Variants in RANBP10 observed in about 807,000 individuals in gnomAD.
RANBP10 encodes the protein ran-binding protein 10.
RANBP10 carries 24 observed loss-of-function variants against 72.8 expected under a neutral mutation model. That is an observed-to-expected ratio of 0.33 (90% confidence interval 0.24 to 0.46). The LOEUF (loss-of-function observed/expected upper bound fraction) is 0.46. Among genes scored for constraint, RANBP10 ranks in the 20% least tolerant of loss-of-function variants. The probability of loss-of-function intolerance (pLI) is 1.00; values close to 1 mark genes in which losing one functional copy is unlikely to be tolerated. For synonymous variants in RANBP10, 310 were observed against 322.3 expected (o/e 0.96, Z 0.41); for missense variants, 679 against 817.5 (o/e 0.83, Z 2.07).
rs532148388 is a variant in RANBP10, at chr16:67,786,312, G to C, written c.348-14226C>G. 9.9e-5 allele frequency among the ~76,000 whole-genome samples: 15 copies of C among 151,890 alleles called. No individual in the cohort carries two copies. In the South Asian group the frequency reaches 3.1e-3, roughly 32 times the overall value. On this transcript the variant is annotated intron_variant, in intron 2 of 13. Coordinates refer to ENST00000317506, the MANE Select transcript of RANBP10 (RefSeq NM_020850.3). ...CCACTGCACTCCAGCCTGTGCGACA[G>C]AGCAAAAATCCATCTGAAAAAAATA...
At chr16:67,728,307 C>T in intron 11 of RANBP10, 83 bp downstream of exon 11, 3 of 1,486,504 alleles carry the variant, frequency 2.0e-6, no homozygotes, top group Non-Finnish European at 2.8e-6. Context: ...CAAAGCCTGC[C>T]TACCCCAGCC....
At chr16:67,760,086 C>T (rs761877902) in intron 3 of RANBP10, among the ~76,000 whole-genome samples, 1 of 145,778 alleles carries the variant, frequency 6.9e-6, no homozygotes, top group Non-Finnish European at 1.5e-5. Flanking sequence ...GGTGACAGAG[C>T]GAGACTCCGT....
At chr16:67,769,138 A>G (rs2054559061) in intron 3 of RANBP10, among the ~76,000 whole-genome samples, 1 of 152,038 alleles carries the variant, frequency 6.6e-6, no homozygotes, top group East Asian at 1.9e-4. Flanking sequence ...GATGATTCCA[A>G]ATTGGTACCT....
At position 67,729,613 on chromosome 16, in the gene RANBP10, A is replaced by G. The variant is rs2053681833; in HGVS notation, c.1147+67T>C. 6.4e-7 allele frequency: 1 copy of G among 1,562,112 alleles called. No homozygotes were observed. Among genetic ancestry groups the G allele is most frequent in the Admixed American group, 1.8e-5 (1 of 54,826 alleles). ...GTGAGCCCTGAGCCCAGCCCAGGAA[A>G]GGGTATGTGGAGTGGCCTCTCTCCT... is the stretch of plus-strand genomic sequence containing the variant. On this transcript the variant is annotated intron_variant, in intron 9 of 13. Coordinates refer to ENST00000317506, the MANE Select transcript of RANBP10 (RefSeq NM_020850.3). This position sits in a 1 kb window ranked among gnomAD's most constrained non-coding sequence, Gnocchi z 7.1.
chr16:67,742,468 A>G (rs936548789), intron 4 of RANBP10, among the ~76,000 whole-genome samples: 12 of 152,160 alleles, frequency 7.9e-5, no homozygotes, highest in African/African-American at 2.9e-4. Flanking sequence ...TAATTACAAG[A>G]TGTGTGAGGT....
chr16:67,805,473 C>T lies in RANBP10; in HGVS notation c.302G>A (p.Gly101Asp). Residue 101 changes from glycine (G) to aspartate (D), a missense_variant, in exon 2 of 14, where the codon GGC becomes GAC. Gly to Asp is a moderately conservative substitution (Grantham distance 94). Coordinates refer to ENST00000317506, the MANE Select transcript of RANBP10 (RefSeq NM_020850.3). Reference protein sequence around the residue: ...RATHPIPAACGIYYFEVKIVS... With the variant: ...RATHPIPAACDIYYFEVKIVS... ...AATCTTCACTTCAAAGTAATAAATG[C>T]CACAGGCAGCAGGTATGGGGTGGGT... 1 of 1,614,130 alleles carries T rather than the reference C, an allele frequency of 6.2e-7. No individual in the cohort carries two copies. The highest frequency in any genetic ancestry group is 8.5e-7 in the Non-Finnish European group (1 of 1,180,004).
intron 2 of RANBP10, among the ~76,000 whole-genome samples, chr16:67,774,166 T>C (rs1044760707): frequency 6.6e-6 from 1 of 152,214 alleles, no homozygotes; most frequent in Non-Finnish European, 1.5e-5. Flanking sequence ...CAGTCAGGGC[T>C]TTCCCTGATT....
chr16:67,752,836 G>A (rs1317072063), intron 3 of RANBP10, among the ~76,000 whole-genome samples: 1 of 152,086 alleles, frequency 6.6e-6, no homozygotes, highest in Non-Finnish European at 1.5e-5. Flanking sequence ...GCCTGCCCCA[G>A]GGAGTTTGCA....
chr16:67,773,518 C>T (rs1159530170), intron 2 of RANBP10, among the ~76,000 whole-genome samples: 1 of 152,148 alleles, frequency 6.6e-6, no homozygotes, highest in South Asian at 2.1e-4. Flanking sequence ...CTCTGGGTTG[C>T]TGCACCACTA....
At chr16:67,760,941 A>G (rs1307290344) in intron 3 of RANBP10, among the ~76,000 whole-genome samples, 1 of 152,028 alleles carries the variant, frequency 6.6e-6, no homozygotes, top group Non-Finnish European at 1.5e-5. Context: ...GAGACGCCCA[A>G]ACCCCACTCT....
At chr16:67,763,697 ATTTG>A (rs1382116089) in intron 3 of RANBP10, among the ~76,000 whole-genome samples, 3 of 151,940 alleles carry the variant, frequency 2.0e-5, no homozygotes, top group Non-Finnish European at 2.9e-5. Flanking sequence ...GTATCTGATT[ATTTG>A]TTTGTTTGTT....
intron 13 of RANBP10, 66 bp from the exon 14 acceptor site, chr16:67,726,624 TTGGGGG>T: frequency 1.3e-6 from 2 of 1,494,462 alleles, no homozygotes; most frequent in African/African-American, 2.8e-5. Context: ...CAAAGTTCCC[TTGGGGG>T]TGGAAGGAGG....
At chr16:67,795,131 T>C (rs1368359008) in intron 2 of RANBP10, among the ~76,000 whole-genome samples, 1 of 151,156 alleles carries the variant, frequency 6.6e-6, no homozygotes, top group African/African-American at 2.4e-5. Flanking sequence ...GTGCCTGTAG[T>C]CCCAGCTACT....
intron 3 of RANBP10, among the ~76,000 whole-genome samples, chr16:67,770,503 CCT>C (rs2054589001): frequency 1.3e-5 from 2 of 151,920 alleles, no homozygotes; most frequent in Non-Finnish European, 2.9e-5. Context: ...AGTGTAACTC[CCT>C]GTTTGGGGAA....
chr16:67,778,182 G>A (rs1445490372), intron 2 of RANBP10, among the ~76,000 whole-genome samples: 3 of 151,878 alleles, frequency 2.0e-5, no homozygotes, highest in East Asian at 1.9e-4. Flanking sequence ...AAACCCCGTC[G>A]CTACTAAAAA....
intron 2 of RANBP10, among the ~76,000 whole-genome samples, chr16:67,798,861 G>GC: frequency 6.6e-6 from 1 of 152,240 alleles, no homozygotes; most frequent in East Asian, 1.9e-4. Flanking sequence ...TAGATCCACA[G>GC]CCCCCCACAC....
At chr16:67,750,760 T>C (rs2054178913) in intron 3 of RANBP10, among the ~76,000 whole-genome samples, 1 of 149,702 alleles carries the variant, frequency 6.7e-6, no homozygotes, top group African/African-American at 2.5e-5. Flanking sequence ...TTTTTCACTT[T>C]CTTTTTTTTT....
chr16:67,785,714 T>A (rs1356928154), intron 2 of RANBP10, among the ~76,000 whole-genome samples: 7 of 94,448 alleles, frequency 7.4e-5, no homozygotes, highest in African/African-American at 1.2e-4. Flanking sequence ...GGAAACAGAG[T>A]GAGTGAGACT....
chr16:67,733,493 G>A (rs1169181009), intron 6 of RANBP10, among the ~76,000 whole-genome samples: 1 of 152,134 alleles, frequency 6.6e-6, no homozygotes, highest in African/African-American at 2.4e-5. Flanking sequence ...GGAATTACCT[G>A]ACCTTCCACT....
Sources: allele counts gnomAD v4.1 joint callset (sites outside exome capture counted in the v4.1 genomes callset), GRCh38; gene constraint gnomAD v4.1.1; non-coding constraint Gnocchi (gnomAD v3.1); transcripts MANE v1.5; gene names NCBI Gene and HGNC (gene_info 2026-07-23, HGNC 2026-07-21).